Variants in CDK15 observed in about 807,000 individuals in gnomAD.
CDK15 encodes cyclin-dependent kinase 15.
CDK15 carries 62 observed loss-of-function variants against 60.3 expected under a neutral mutation model. That is an observed-to-expected ratio of 1.03 (90% confidence interval 0.84 to 1.27). CDK15 has a LOEUF of 1.27. CDK15 is among the 50% of genes most tolerant of loss of function. The pLI is 0.00. For synonymous variants in CDK15, 194 were observed against 195.7 expected (o/e 0.99, Z 0.07); for missense variants, 541 against 527.8 (o/e 1.03, Z -0.25).
In CDK15 at chr2:201,806,702, GA is replaced by G; in HGVS notation, c.39del (p.Cys14AlafsTer29). 6.3e-7 allele frequency: 1 copy of G among 1,598,018 alleles called. No individual in the cohort carries two copies. The highest frequency in any genetic ancestry group is 8.5e-7 in the Non-Finnish European group (1 of 1,179,604). ...CTGTGTGCAAAGACTGTACAGCCTG[GA>G]TGCAGCTGCTACCATTGTTCAGAGG... ...QELCAKTVQP[G>X]CSCYHCSEGG... On this transcript the variant is annotated frameshift_variant, in exon 1 of 14. Coordinates refer to ENST00000652192, the MANE Select transcript of CDK15 (RefSeq NM_001366386.2). LOFTEE classifies it high-confidence loss of function.
At chr2:201,834,356 A>G (rs1696914705) in intron 7 of CDK15, among the ~76,000 whole-genome samples, 1 of 152,214 alleles carries the variant, frequency 6.6e-6, no homozygotes, top group Admixed American at 6.5e-5. Flanking sequence ...AGATTGTAGC[A>G]TGGACTCCTG....
At chr2:201,893,094 C>T (rs1397809723) in intron 13 of CDK15, among the ~76,000 whole-genome samples, 1 of 152,146 alleles carries the variant, frequency 6.6e-6, no homozygotes, top group East Asian at 1.9e-4. Context: ...CTTATAGAAG[C>T]CATCTGGAGA....
intron 11 of CDK15, 144 bp from the exon 12 acceptor site, chr2:201,879,884 G>T (rs1452707898): frequency 1.6e-5 from 17 of 1,093,786 alleles, no homozygotes; most frequent in African/African-American, 3.2e-5. Flanking sequence ...TTTTCCAGTT[G>T]CCATCAACTT....
intron 11 of CDK15, among the ~76,000 whole-genome samples, chr2:201,874,560 T>C (rs955169025): frequency 1.3e-5 from 2 of 152,294 alleles, no homozygotes; most frequent in East Asian, 1.9e-4. Context: ...CCCAGGTCTC[T>C]GTGGATTTGG....
At chr2:201,861,225 A>G in intron 10 of CDK15, 4 of 1,025,150 alleles carry the variant, frequency 3.9e-6, no homozygotes, top group Non-Finnish European at 3.5e-6. Context: ...TCATTGTAAA[A>G]GTGTTTCCTA....
chr2:201,828,506 A>T (rs1488421436), intron 6 of CDK15, among the ~76,000 whole-genome samples: 1 of 151,992 alleles, frequency 6.6e-6, no homozygotes, highest in Non-Finnish European at 1.5e-5. Context: ...GGTATGGTGG[A>T]CAGTATTACA....
At chr2:201,860,212 C>T (rs926130524) in intron 10 of CDK15, among the ~76,000 whole-genome samples, 6 of 152,184 alleles carry the variant, frequency 3.9e-5, no homozygotes, top group African/African-American at 7.2e-5. Context: ...AACTCAAAAG[C>T]GCTGAGTTTA....
chr2:201,806,533 A>C (rs913785001), upstream of CDK15: 2 of 1,065,990 alleles, frequency 1.9e-6, no homozygotes, highest in Non-Finnish European at 1.3e-6. Flanking sequence ...AGGCTGCTCC[A>C]GGCAGAGCCA....
chr2:201,875,596 T>C (rs1699046649), intron 11 of CDK15, among the ~76,000 whole-genome samples: 1 of 152,220 alleles, frequency 6.6e-6, no homozygotes, highest in Non-Finnish European at 1.5e-5. Context: ...TAAATTATGA[T>C]ATGCCTACAT....
intron 3 of CDK15, among the ~76,000 whole-genome samples, chr2:201,811,317 A>AT (rs1442395316): frequency 6.6e-6 from 1 of 151,538 alleles, no homozygotes; most frequent in Non-Finnish European, 1.5e-5. Context: ...CACCCGGCTA[A>AT]TTTTTTGTAT....
chr2:201,806,473 G>C (rs1170343889), upstream of CDK15: 2 of 463,394 alleles, frequency 4.3e-6, no homozygotes, highest in Non-Finnish European at 7.4e-6. Flanking sequence ...AGCAATCCCT[G>C]TCTGATGTGG....
At chr2:201,867,083 G>C (rs1385774146) in intron 10 of CDK15, among the ~76,000 whole-genome samples, 2 of 152,152 alleles carry the variant, frequency 1.3e-5, no homozygotes, top group East Asian at 3.8e-4. Flanking sequence ...ATTTTCCCTT[G>C]TCATGCTTCC....
chr2:201,835,674 G>GA lies in CDK15; in HGVS notation c.763dup (p.Thr255AsnfsTer15), dbSNP rs779907837. 6.2e-7 allele frequency: 1 copy of GA among 1,610,276 alleles called. No homozygotes were observed. Among genetic ancestry groups the GA allele is most frequent in the South Asian group, 1.1e-5 (1 of 90,650 alleles). On this transcript the variant is annotated frameshift_variant, in exon 8 of 14. Coordinates refer to ENST00000652192, the MANE Select transcript of CDK15 (RefSeq NM_001366386.2). LOFTEE classifies it high-confidence loss of function. ...CCCGGGCCAAGTCCATTCCCAGCCA[G>GA]ACATACTCTTCAGAAGTCGTGACCC... is the stretch of plus-strand genomic sequence containing the variant.
intron 10 of CDK15, among the ~76,000 whole-genome samples, chr2:201,863,605 A>G (rs971293449): frequency 6.6e-6 from 1 of 151,992 alleles, no homozygotes; most frequent in Non-Finnish European, 1.5e-5. Context: ...TAATCCCAGC[A>G]CTTTGGGAGG....
At chr2:201,809,299 C>T (rs937131654) in intron 3 of CDK15, among the ~76,000 whole-genome samples, 17 of 152,090 alleles carry the variant, frequency 1.1e-4, no homozygotes, top group African/African-American at 3.6e-4. Context: ...CTTTCCAGCC[C>T]GAAGTTTACA....
At chr2:201,858,135 G>T (rs1412615185) in intron 10 of CDK15, among the ~76,000 whole-genome samples, 3 of 152,122 alleles carry the variant, frequency 2.0e-5, no homozygotes, top group Non-Finnish European at 2.9e-5. Flanking sequence ...GACACCTCTA[G>T]GAGGACAGCA....
intron 13 of CDK15, among the ~76,000 whole-genome samples, chr2:201,892,210 A>C (rs1191360392): frequency 2.0e-5 from 3 of 152,228 alleles, no homozygotes; most frequent in Non-Finnish European, 4.4e-5. Flanking sequence ...GTATTTCCCA[A>C]GCAAAATATT....
At chr2:201,861,550 TGTTTTTTTTTTTTTC>T in intron 10 of CDK15, 3 of 966,028 alleles carry the variant, frequency 3.1e-6, no homozygotes, top group Non-Finnish European at 3.7e-6. Flanking sequence ...TTTGTTGGTT[TGTTTTTTTTTTTTTC>T]TTTTTTTTTT....
intron 12 of CDK15, among the ~76,000 whole-genome samples, chr2:201,885,593 G>A (rs2105840394): frequency 6.6e-6 from 1 of 152,226 alleles, no homozygotes; most frequent in East Asian, 1.9e-4. Context: ...TGGTTTATGG[G>A]GTTGCATAGC....
Sources: gnomAD v4.1 joint callset for allele counts (sites outside exome capture counted in the v4.1 genomes callset) on GRCh38, gnomAD v4.1.1 for gene constraint, MANE v1.5 for transcripts, NCBI Gene and HGNC (gene_info 2026-07-23, HGNC 2026-07-21) for gene names.